The following USP36 variants were observed in gnomAD, a reference collection of about 807,000 sequenced individuals.
USP36 encodes the protein ubiquitin carboxyl-terminal hydrolase 36.
A neutral mutation model predicts 111.5 loss-of-function variants in USP36; 59 were observed. The observed-to-expected ratio is 0.53, with a 90% CI of 0.43 to 0.66. USP36 has a LOEUF of 0.66. Among genes scored for constraint, USP36 ranks in the 30% least tolerant of loss-of-function variants. The pLI is 0.00. For synonymous variants in USP36, 628 were observed against 581.0 expected (o/e 1.08, Z -1.16); for missense variants, 1,488 against 1,468.0 (o/e 1.01, Z -0.22).
rs752841410 is a variant in USP36 at position 78,818,814 on chromosome 17, T to C, written c.912-36A>G. ...GGTGATGAGAAAGATTAATGAATGA[T>C]TGATTCGTGCTCTGAAAAATGTTGT... On this transcript the variant is annotated intron_variant, in intron 9 of 20. Coordinates refer to ENST00000449938, the MANE Select transcript of USP36 (RefSeq NM_001385174.1). The C allele has an allele frequency of 3.1e-6, 5 of 1,607,160 alleles. No homozygotes were observed. In the South Asian group the frequency reaches 4.4e-5, roughly 14 times the overall value.
At chr17:78,818,908 C>A in intron 9 of USP36, 130 bp from the exon 10 acceptor site, 1 of 861,286 alleles carries the variant, frequency 1.2e-6, no homozygotes. Context: ...GAGATTTCGA[C>A]CTTCTGCTCC....
upstream of USP36, chr17:78,841,084 A>G (rs1315105091): frequency 6.6e-6 from 1 of 152,154 alleles, no homozygotes; most frequent in Non-Finnish European, 1.5e-5. Flanking sequence ...TCCGCAGCGC[A>G]CTAGAGGTGC....
intron 10 of USP36, among the ~76,000 whole-genome samples, chr17:78,815,256 C>T (rs2094152142): frequency 6.6e-6 from 1 of 152,044 alleles, no homozygotes; most frequent in Non-Finnish European, 1.5e-5. Flanking sequence ...CGCTTGAAAC[C>T]AGGAGGTGGA....
chr17:78,839,235 A>G (rs1458665639), intron 1 of USP36, among the ~76,000 whole-genome samples: 1 of 152,204 alleles, frequency 6.6e-6, no homozygotes, highest in Non-Finnish European at 1.5e-5. Context: ...CAGTGAAAAC[A>G]TTCAAACACA....
At chr17:78,835,818 C>T (rs554182220) in intron 3 of USP36, among the ~76,000 whole-genome samples, 2 of 152,298 alleles carry the variant, frequency 1.3e-5, no homozygotes, top group African/African-American at 4.8e-5. Flanking sequence ...ATGCAGCCCA[C>T]CCCATTTCTC....
intron 4 of USP36, among the ~76,000 whole-genome samples, chr17:78,830,941 T>C (rs73391175): frequency 0.056 from 8,574 of 151,822 alleles, 768 homozygotes; most frequent in African/African-American, 0.19. Context: ...TAAAAGAAAA[T>C]ACAGGCCAGA....
chr17:78,814,806 T>C (rs1206342950), intron 10 of USP36, among the ~76,000 whole-genome samples: 1 of 151,950 alleles, frequency 6.6e-6, no homozygotes, highest in Non-Finnish European at 1.5e-5. Context: ...AAAAATTAGC[T>C]GGGCATGGTG....
intron 18 of USP36, 57 bp downstream of exon 18, chr17:78,799,610 C>T (rs566927003): frequency 1.3e-6 from 2 of 1,527,130 alleles, no homozygotes; most frequent in African/African-American, 1.4e-5. Context: ...CACACCCTTC[C>T]CTCCTACAAA....
At chr17:78,815,163 C>T (rs964425153) in intron 10 of USP36, among the ~76,000 whole-genome samples, 1 of 152,030 alleles carries the variant, frequency 6.6e-6, no homozygotes, top group African/African-American at 2.4e-5. Context: ...GAAACCTTGT[C>T]TCTACTAAAA....
At chr17:78,831,566 C>T (rs774289838) in intron 4 of USP36, among the ~76,000 whole-genome samples, 2 of 152,018 alleles carry the variant, frequency 1.3e-5, no homozygotes, top group Non-Finnish European at 2.9e-5. Context: ...TGAGCCGAGA[C>T]TGTGGCAACT....
chr17:78,802,014 C>T (rs555897351), intron 17 of USP36, among the ~76,000 whole-genome samples: 145 of 152,266 alleles, frequency 9.5e-4, no homozygotes, highest in African/African-American at 3.4e-3. Context: ...CAGACCCTCC[C>T]AAGCTCAGAT....
intron 1 of USP36, 28 bp from the exon 2 acceptor site, chr17:78,838,778 T>G (rs2068956735): frequency 6.6e-6 from 1 of 152,330 alleles, no homozygotes; most frequent in Admixed American, 6.5e-5. Context: ...AGACCATCAG[T>G]GGAGGCGACT....
At position 78,827,022 on chromosome 17, in the gene USP36, G is replaced by T. The variant is rs1599077708; in HGVS notation, c.689+223C>A. ...CACCCGATCCTACCAAGCCGCCCCG[G>T]ACCAGCAGGACGTCTCCGGAGACAG... On this transcript the variant is annotated intron_variant, in intron 6 of 20. Coordinates refer to ENST00000449938, the MANE Select transcript of USP36 (RefSeq NM_001385174.1). The T allele has an allele frequency of 5.3e-5, 36 of 678,324 alleles. No homozygotes were observed. In the East Asian group the frequency reaches 9.7e-4, roughly 18 times the overall value. 42.0% of individuals were successfully genotyped at this position (678,324 alleles called of 1,614,324 possible).
chr17:78,798,639 CA>C lies in USP36; in HGVS notation c.3241-89del. The C allele has an allele frequency of 6.3e-7, 1 of 1,581,740 alleles. No homozygotes were observed. The highest frequency in any genetic ancestry group is 8.6e-7 in the Non-Finnish European group (1 of 1,167,792). On this transcript the variant is annotated intron_variant, in intron 19 of 20. Transcript: ENST00000449938. This position sits in a 1 kb window ranked among gnomAD's most constrained non-coding sequence, Gnocchi z 5.1. ...CCATGCTGCATGCAGGTCCTGCACACAGGCCGGGCTCTCATGAGCTCTCTGG... is the reference window on the plus strand; with the variant it reads ...CCATGCTGCATGCAGGTCCTGCACACGGCCGGGCTCTCATGAGCTCTCTGG...
intron 3 of USP36, among the ~76,000 whole-genome samples, chr17:78,788,905 G>C (rs948850516): frequency 6.6e-6 from 1 of 151,994 alleles, no homozygotes; most frequent in Non-Finnish European, 1.5e-5. Context: ...CTGGCTTCAC[G>C]AAAGAGAGAT....
chr17:78,835,533 G>A, intron 3 of USP36, 32 bp from the exon 4 acceptor site: 1 of 1,560,354 alleles, frequency 6.4e-7, no homozygotes, highest in South Asian at 1.2e-5. Context: ...GAAGAAAAGA[G>A]GAAGACGTAA....
chr17:78,813,810 C>T lies in USP36; in HGVS notation c.1228G>A (p.Val410Ile), dbSNP rs2094122586. Residue 410 changes from valine to isoleucine, a missense_variant, in exon 12 of 21, where the codon GTT becomes ATT. By Grantham distance (29) the Val-to-Ile change is conservative. Around this residue, in one of 3 missense-constraint regions of USP36, gnomAD observed 1,073 missense variants for 994.1 expected, o/e 1.08. Coordinates refer to ENST00000449938, the MANE Select transcript of USP36 (RefSeq NM_001385174.1). ...AGCACGTAGGCCTGCTGGTTCAGAA[C>T]CACCTTGACGTTGCTGGAATGGACC... ...SLVHSSNVKV[V>I]LNQQAYVLFY... 5.6e-6 allele frequency: 9 copies of T among 1,614,152 alleles called. No homozygotes were observed.
rs1025385567 is a variant in USP36 at position 78,814,018 on chromosome 17, A to C, written c.1165-145T>G. On this transcript the variant is annotated intron_variant, in intron 11 of 20. Transcript: ENST00000449938. ...TCAACAGGTAACAACTTCTATTAAA[A>C]CGTGTAATATTTTCATAACTCGGAA... 3.7e-5 allele frequency: 27 copies of C among 737,028 alleles called. No homozygotes were observed. The African/African-American group carries it at 4.4e-4, about 12-fold the overall frequency. 45.7% of individuals were successfully genotyped at this position (737,028 alleles called of 1,614,324 possible).
At chr17:78,820,046 A>G in intron 8 of USP36, 34 bp from the exon 9 acceptor site, 1 of 1,606,850 alleles carries the variant, frequency 6.2e-7, no homozygotes, top group Non-Finnish European at 8.5e-7. Flanking sequence ...TAAAATACAC[A>G]GCAGAGGAAA....
Sources: allele counts gnomAD v4.1 joint callset (sites outside exome capture counted in the v4.1 genomes callset), GRCh38; gene constraint gnomAD v4.1.1; regional missense constraint gnomAD v4.1.1; non-coding constraint Gnocchi (gnomAD v3.1); transcripts MANE v1.5; gene names NCBI Gene and HGNC (gene_info 2026-07-23, HGNC 2026-07-21).